The following DST variants were observed in gnomAD, a reference collection of about 807,000 sequenced individuals.
DST encodes the protein bullous pemphigoid antigen.
A neutral mutation model predicts 875.2 loss-of-function variants in DST; 253 were observed. The ratio of observed to expected loss-of-function variants is 0.29; its 90% confidence interval spans 0.26 to 0.32. The LOEUF (loss-of-function observed/expected upper bound fraction) is 0.32, where lower values mean the gene tolerates loss of function less well. Among genes scored for constraint, DST ranks in the 10% least tolerant of loss-of-function variants. DST has a pLI of 1.00. For missense variants in DST, 8,287 were observed against 9,111.6 expected (o/e 0.91, Z 3.68); for synonymous variants, 3,124 against 3,197.1 (o/e 0.98, Z 0.77).
intron 78 of DST, among the ~76,000 whole-genome samples, chr6:56,503,628 C>CACACACACACACA (rs60758848): frequency 6.7e-6 from 1 of 149,042 alleles, no homozygotes; most frequent in South Asian, 2.1e-4. Flanking sequence ...CACACACACA[C>CACACACACACACA]CCCATGTCCC....
At chr6:56,483,170 A>T (rs529627796) in intron 88 of DST, among the ~76,000 whole-genome samples, 1 of 152,350 alleles carries the variant, frequency 6.6e-6, no homozygotes, top group South Asian at 2.1e-4. Flanking sequence ...AATGGCAGCC[A>T]GCCTTCATTA....
intron 63 of DST, 26 bp downstream of exon 63, chr6:56,535,096 G>A (rs750158471): frequency 3.7e-6 from 6 of 1,605,478 alleles, no homozygotes; most frequent in African/African-American, 2.7e-5. Context: ...AATATGAAAC[G>A]CAATACAAAA....
intron 3 of DST, among the ~76,000 whole-genome samples, chr6:56,893,382 GT>G (rs1314818241): frequency 6.6e-6 from 1 of 152,054 alleles, no homozygotes; most frequent in Non-Finnish European, 1.5e-5. Flanking sequence ...ATACACCACA[GT>G]TTCTTTATCC....
intron 9 of DST, among the ~76,000 whole-genome samples, chr6:56,695,345 T>C (rs1247615003): frequency 6.6e-6 from 1 of 152,068 alleles, no homozygotes; most frequent in Non-Finnish European, 1.5e-5. Flanking sequence ...AAACCTCTTT[T>C]CTGTTCTTTA....
Position 56,594,000 on chromosome 6 carries a change from T to C in DST, c.12389A>G (p.His4130Arg), listed in dbSNP as rs1049126086. The C allele has an allele frequency of 4.3e-6, 7 of 1,613,812 alleles. No individual in the cohort carries two copies. The highest frequency in any genetic ancestry group is 5.1e-6 in the Non-Finnish European group (6 of 1,179,844). ...AESEKKMKLT[H>R]SLQEELEKFD... ...CTTTTCTAATTCTTCCTGCAGAGAG[T>C]GAGTTAACTTCATTTTCTTCTCTGA... Residue 4130 changes from histidine (H) to arginine (R), a missense_variant, in exon 48 of 104, where the codon CAC becomes CGC. Physicochemically the swap from His to Arg is conservative, Grantham distance 29. Coordinates refer to ENST00000680361, the MANE Select transcript of DST (RefSeq NM_001374736.1).
At chr6:56,586,425 CTT>C (rs966907564) in intron 49 of DST, among the ~76,000 whole-genome samples, 7 of 150,946 alleles carry the variant, frequency 4.6e-5, no homozygotes, top group African/African-American at 1.7e-4. Flanking sequence ...CAACCCCTGC[CTT>C]TTTTTGTTTT....
At chr6:56,877,249 C>T (rs928438427) in intron 3 of DST, among the ~76,000 whole-genome samples, 2 of 152,170 alleles carry the variant, frequency 1.3e-5, no homozygotes, top group East Asian at 3.9e-4. Flanking sequence ...CACCTCCTAG[C>T]ATAATATAAA....
chr6:56,542,141 A>G (rs1024826648), intron 61 of DST, among the ~76,000 whole-genome samples: 1 of 152,204 alleles, frequency 6.6e-6, no homozygotes, highest in Non-Finnish European at 1.5e-5. Flanking sequence ...GGGACCTGGT[A>G]TTGTTCACAT....
chr6:56,901,503 G>A (rs1172959346), intron 2 of DST, among the ~76,000 whole-genome samples: 1 of 152,220 alleles, frequency 6.6e-6, no homozygotes, highest in Non-Finnish European at 1.5e-5. Context: ...GCTGAGGCAG[G>A]AGAACTGCTT....
In DST at chr6:56,616,718, G is replaced by A. The variant is rs547215818; in HGVS notation, c.4930-2234C>T. The A allele has an allele frequency of 8.7e-6, 14 of 1,614,134 alleles. No homozygotes were observed. Among genetic ancestry groups the A allele is most frequent in the African/African-American group, 8.0e-5 (6 of 75,034 alleles). ...CACAGGGTCAATGACACCCCCACTGGCAATCTGGGCTTCCAAGATATGTTT... is the reference window on the plus strand; with the variant it reads ...CACAGGGTCAATGACACCCCCACTGACAATCTGGGCTTCCAAGATATGTTT... On this transcript the variant is annotated intron_variant, in intron 36 of 103. Coordinates refer to ENST00000680361, the MANE Select transcript of DST (RefSeq NM_001374736.1).
At chr6:56,491,669 C>A (rs907977177) in intron 85 of DST, among the ~76,000 whole-genome samples, 1 of 152,158 alleles carries the variant, frequency 6.6e-6, no homozygotes, top group African/African-American at 2.4e-5. Context: ...GCTCTATTAT[C>A]TGCTCAAAAT....
chr6:56,928,010 G>A (rs1808100240), intron 2 of DST, among the ~76,000 whole-genome samples: 1 of 152,160 alleles, frequency 6.6e-6, no homozygotes, highest in South Asian at 2.1e-4. Context: ...TGAGAAGGGG[G>A]CACTGCTCAG....
chr6:56,727,906 C>G (rs546255385), intron 5 of DST, among the ~76,000 whole-genome samples: 1 of 152,314 alleles, frequency 6.6e-6, no homozygotes, highest in South Asian at 2.1e-4. Flanking sequence ...AACATTTTAG[C>G]TACTTCATGT....
chr6:56,494,305 C>G (rs372583736), intron 82 of DST, 125 bp from the exon 83 acceptor site: 1 of 777,700 alleles, frequency 1.3e-6, no homozygotes, highest in African/African-American at 1.7e-5. Flanking sequence ...CTCAGGGCAA[C>G]CTTGACGCAT....
chr6:56,862,382 T>C (rs747651409), intron 3 of DST, among the ~76,000 whole-genome samples: 3 of 152,102 alleles, frequency 2.0e-5, no homozygotes, highest in Non-Finnish European at 4.4e-5. Flanking sequence ...GGGGGGAAGA[T>C]GTTAGGACCT....
chr6:56,564,256 C>T (rs2097605702), intron 55 of DST, among the ~76,000 whole-genome samples: 1 of 152,150 alleles, frequency 6.6e-6, no homozygotes, highest in African/African-American at 2.4e-5. Context: ...TTTCCTTGAG[C>T]AGTGGTTTGT....
intron 37 of DST, 81 bp downstream of exon 37, chr6:56,614,275 C>G: frequency 7.8e-7 from 1 of 1,288,014 alleles, no homozygotes; most frequent in East Asian, 2.6e-5. Flanking sequence ...AAAAATTAAA[C>G]ATTGTGCTAG....
chr6:56,854,095 C>T (rs552644686), intron 3 of DST, among the ~76,000 whole-genome samples: 1 of 152,010 alleles, frequency 6.6e-6, no homozygotes, highest in African/African-American at 2.4e-5. Flanking sequence ...CCCATTTGAA[C>T]CCTGAAAATT....
At chr6:56,747,741 T>G (rs148554807) in intron 4 of DST, among the ~76,000 whole-genome samples, 1 of 152,140 alleles carries the variant, frequency 6.6e-6, no homozygotes, top group African/African-American at 2.4e-5. Context: ...CACAGAGATA[T>G]GTAACTCGAT....
Sources: gnomAD v4.1 joint callset for allele counts (sites outside exome capture counted in the v4.1 genomes callset) on GRCh38, gnomAD v4.1.1 for gene constraint, MANE v1.5 for transcripts, NCBI Gene and HGNC (gene_info 2026-07-23, HGNC 2026-07-21) for gene names.